Variants in PKHD1 observed in about 807,000 individuals in gnomAD.
PKHD1 encodes fibrocystin.
PKHD1 carries 291 observed loss-of-function variants against 412.0 expected under a neutral mutation model. The observed-to-expected ratio is 0.71, with a 90% CI of 0.64 to 0.78. The LOEUF is 0.78. Ranked by LOEUF, PKHD1 falls within the 30% of genes least tolerant of loss-of-function variation. The pLI, the probability that PKHD1 is intolerant of heterozygous loss-of-function variation, is 0.00. For synonymous variants in PKHD1, 1,777 were observed against 1,821.5 expected (o/e 0.98, Z 0.62); for missense variants, 4,825 against 4,950.7 (o/e 0.97, Z 0.76).
chr6:51,801,363 A>T (rs1762879521), intron 52 of PKHD1, among the ~76,000 whole-genome samples: 1 of 152,186 alleles, frequency 6.6e-6, no homozygotes, highest in South Asian at 2.1e-4. Context: ...TCTAGAGTTC[A>T]TTCTCTTGTA....
chr6:51,632,691 C>A lies in PKHD1; in HGVS notation c.11539G>T (p.Ala3847Ser), dbSNP rs769135174. The A allele has an allele frequency of 3.7e-6, 6 of 1,613,284 alleles. No homozygotes were observed. In the African/African-American group the frequency reaches 8.0e-5, roughly 22 times the overall value. Residue 3847 changes from alanine to serine, a missense_variant, in exon 65 of 67, where the codon GCT (alanine) becomes TCT (serine). Coordinates refer to ENST00000371117, the MANE Select transcript of PKHD1 (RefSeq NM_138694.4). ...VNFTARSKPF[A>S]VLPVTRKEKS... The stretch of plus-strand genomic sequence containing the variant: ...TCCTTCCTAGTCACAGGCAAGACAG[C>A]AAATGGCTTGGATCGAGCTGTAAAA...
chr6:51,704,843 G>T (rs534917383), intron 60 of PKHD1, among the ~76,000 whole-genome samples: 10 of 152,182 alleles, frequency 6.6e-5, no homozygotes, highest in African/African-American at 2.2e-4. Flanking sequence ...ATAGTTGAAG[G>T]CCTGGGCTTT....
At chr6:51,852,124 C>T (rs1772384486) in intron 49 of PKHD1, among the ~76,000 whole-genome samples, 1 of 152,072 alleles carries the variant, frequency 6.6e-6, no homozygotes, top group Non-Finnish European at 1.5e-5. Flanking sequence ...TGATTGGTTT[C>T]AAAGAACTTC....
intron 60 of PKHD1, among the ~76,000 whole-genome samples, chr6:51,663,045 G>A (rs1773121844): frequency 6.6e-6 from 1 of 151,906 alleles, no homozygotes; most frequent in Admixed American, 6.6e-5. Context: ...CAGAAGCATG[G>A]ATCCAGTATG....
chr6:51,719,035 G>A (rs1160123002), intron 60 of PKHD1, among the ~76,000 whole-genome samples: 1 of 152,172 alleles, frequency 6.6e-6, no homozygotes, highest in South Asian at 2.1e-4. Context: ...AGCTGGCTAG[G>A]ATGTCTGGAT....
chr6:51,907,514 C>T (rs375907173), intron 40 of PKHD1, among the ~76,000 whole-genome samples: 14 of 152,278 alleles, frequency 9.2e-5, no homozygotes, highest in African/African-American at 3.1e-4. Flanking sequence ...ATGTGAAAAA[C>T]CAGTAAGTAC....
At chr6:51,793,125 T>C (rs748225291) in intron 52 of PKHD1, among the ~76,000 whole-genome samples, 2 of 152,212 alleles carry the variant, frequency 1.3e-5, no homozygotes, top group Non-Finnish European at 2.9e-5. Context: ...CAAGAGCTCA[T>C]TGATGACTGG....
chr6:51,883,161 C>T lies in PKHD1; in HGVS notation c.7282G>A (p.Asp2428Asn), dbSNP rs766312557. 9 of 1,611,760 alleles carry T rather than the reference C, an allele frequency of 5.6e-6. No homozygotes were observed. The highest frequency in any genetic ancestry group is 1.3e-5 in the African/African-American group (1 of 74,996). The change falls in exon 46 of 67, where the codon GAC (aspartate) becomes AAC (asparagine). Residue 2428 changes from aspartate to asparagine, a missense_variant. Physicochemically the swap from Asp to Asn is conservative, Grantham distance 23. Transcript: ENST00000371117. Reference sequence around the variant, plus strand: ...GTATTTGCATCACTTTCCAAGACGTCAATTCCAAAATCTCTGCATGAATAA... The same window carrying T: ...GTATTTGCATCACTTTCCAAGACGTTAATTCCAAAATCTCTGCATGAATAA... ...KVYSCRDFGI[D>N]VLESDANTSV...
rs2128230121 is a variant in PKHD1, at chr6:52,071,022, C to G, written c.651G>C (p.Val217=). The stretch of plus-strand genomic sequence containing the variant: ...CTAACAGACCGATGTAGTCGCCTTC[C>G]ACATGGCACTGCAGAGTCCCAAGAC... The part of the protein sequence containing the change: ...DHGLGTLQCH[V]EGDYIGSQNV... The change falls in exon 9 of 67, where the codon GTG becomes GTC. Residue 217 remains valine, a synonymous_variant. Transcript: ENST00000371117. 6.2e-7 allele frequency: 1 copy of G among 1,601,880 alleles called. No individual in the cohort carries two copies. The highest frequency in any genetic ancestry group is 8.6e-7 in the Non-Finnish European group (1 of 1,169,094).
chr6:51,796,432 G>GTTT (rs3062495), intron 52 of PKHD1, among the ~76,000 whole-genome samples: 8,788 of 149,030 alleles, frequency 0.059, 318 homozygotes, highest in Middle Eastern at 0.11. Context: ...TATTTAATTA[G>GTTT]TTTTTTTTTC....
rs2150963039 is a variant in PKHD1, at chr6:51,744,543, C to T, written c.9999-1G>A. ...ACAGACTACTTTTCCTAAATCTTTC[C>T]TGTGAAGACAGTCAAAAAGCAACTC... On this transcript the variant is annotated splice_acceptor_variant, in intron 59 of 66. Transcript: ENST00000371117. LOFTEE classifies it high-confidence loss of function. 1.2e-6 allele frequency: 2 copies of T among 1,611,652 alleles called. No homozygotes were observed. Among genetic ancestry groups the T allele is most frequent in the South Asian group, 2.2e-5 (2 of 91,020 alleles).
chr6:51,678,641 C>T (rs1488338165), intron 60 of PKHD1, among the ~76,000 whole-genome samples: 1 of 152,102 alleles, frequency 6.6e-6, no homozygotes, highest in Non-Finnish European at 1.5e-5. Context: ...TGCCTGTGCA[C>T]ATGTGTCTAT....
intron 52 of PKHD1, among the ~76,000 whole-genome samples, chr6:51,807,994 G>GT (rs536179746): frequency 6.6e-6 from 1 of 152,114 alleles, no homozygotes; most frequent in South Asian, 2.1e-4. Flanking sequence ...ATTAATTACA[G>GT]TAATCGCATG....
chr6:51,748,415 C>T lies in PKHD1; in HGVS notation c.9201G>A (p.Leu3067=). Residue 3067 remains leucine, a synonymous_variant, in exon 58 of 67, where the codon CTG becomes CTA. Transcript: ENST00000371117. ...TGGTGGACCACGCTGGCTGTGTCAT[C>T]AGAACCACAAGGTTATTAGTGACAG... ...AYTVTNNLVV[L]MTQPAWSTIW... 2 of 1,614,036 alleles carry T rather than the reference C, an allele frequency of 1.2e-6. No individual in the cohort carries two copies. Among genetic ancestry groups the T allele is most frequent in the Non-Finnish European group, 1.7e-6 (2 of 1,179,954 alleles).
At chr6:51,765,826 A>G (rs1788896333) in intron 55 of PKHD1, among the ~76,000 whole-genome samples, 1 of 152,136 alleles carries the variant, frequency 6.6e-6, no homozygotes, top group Non-Finnish European at 1.5e-5. Context: ...GACCTGGCAC[A>G]TAGTAAATAT....
At chr6:51,738,406 A>C (rs1784131252) in intron 60 of PKHD1, among the ~76,000 whole-genome samples, 1 of 152,208 alleles carries the variant, frequency 6.6e-6, no homozygotes, top group Non-Finnish European at 1.5e-5. Context: ...AGGATATGTA[A>C]GGCGAATAAG....
intron 35 of PKHD1, among the ~76,000 whole-genome samples, chr6:51,996,788 C>T (rs915875106): frequency 7.2e-5 from 11 of 152,158 alleles, no homozygotes; most frequent in African/African-American, 2.7e-4. Flanking sequence ...AGGAAGTGGC[C>T]TTAGTGTAGC....
At chr6:52,073,410 A>T in intron 7 of PKHD1, 53 bp downstream of exon 7, 1 of 1,067,826 alleles carries the variant, frequency 9.4e-7, no homozygotes, top group East Asian at 2.4e-5. Context: ...GGTCCCAGGA[A>T]GCCATGCAGC....
At chr6:51,863,773 T>C (rs1357401499) in intron 48 of PKHD1, among the ~76,000 whole-genome samples, 1 of 152,140 alleles carries the variant, frequency 6.6e-6, no homozygotes, top group African/African-American at 2.4e-5. Context: ...CCGAATGCTG[T>C]GGACTCCTCA....
Sources: allele counts gnomAD v4.1 joint callset (sites outside exome capture counted in the v4.1 genomes callset), GRCh38; gene constraint gnomAD v4.1.1; transcripts MANE v1.5; gene names NCBI Gene and HGNC (gene_info 2026-07-23, HGNC 2026-07-21).